SGCD: variants seen among roughly 807,000 people sequenced by gnomAD.
The protein encoded by SGCD is sarcoglycan delta, also known as delta-sarcoglycan.
Under a neutral mutation model 36.6 loss-of-function variants are expected in SGCD, and 18 were observed. The ratio of observed to expected loss-of-function variants is 0.49; its 90% confidence interval spans 0.34 to 0.73. The LOEUF (loss-of-function observed/expected upper bound fraction) is 0.73. Ranked by LOEUF, SGCD falls within the 30% of genes least tolerant of loss-of-function variation. The pLI is 0.01. For synonymous variants in SGCD, 133 were observed against 130.6 expected (o/e 1.02, Z -0.12); for missense variants, 387 against 346.7 (o/e 1.12, Z -0.92).
Position 156,766,347 on chromosome 5 carries a change from A to G in SGCD, c.*6957A>G, listed in dbSNP as rs1757587477. 6.6e-6 allele frequency: 1 copy of G among 151,834 alleles called. No individual in the cohort carries two copies. Among genetic ancestry groups the G allele is most frequent in the African/African-American group, 2.4e-5 (1 of 41,282 alleles). The allele number at this position is 151,834 out of a possible 1,614,324, so 9.4% of individuals were successfully genotyped here. ...CTACCAGGGACTCACTGACTGCATT[A>G]GGCATACAATGTCAGAGCTGAGCTG... is the stretch of plus-strand genomic sequence containing the variant. On this transcript the variant is annotated 3_prime_UTR_variant, in exon 9 of 9. Coordinates refer to ENST00000337851, the MANE Select transcript of SGCD (RefSeq NM_000337.6).
chr5:156,691,863 G>A (rs138240745), intron 7 of SGCD, among the ~76,000 whole-genome samples: 2 of 152,262 alleles, frequency 1.3e-5, no homozygotes, highest in Non-Finnish European at 2.9e-5. Context: ...ATGTATATTA[G>A]CACCAAGTTT....
At chr5:156,518,160 G>GA (rs1429189674) in intron 4 of SGCD, among the ~76,000 whole-genome samples, 1 of 151,946 alleles carries the variant, frequency 6.6e-6, no homozygotes, top group Non-Finnish European at 1.5e-5. Context: ...CCAAGCAAAT[G>GA]GAAAAACAGA....
intron 3 of SGCD, among the ~76,000 whole-genome samples, chr5:156,378,479 G>C (rs1770795322): frequency 6.6e-6 from 1 of 152,082 alleles, no homozygotes; most frequent in South Asian, 2.1e-4. Context: ...GGTTAAGATG[G>C]TTAGTTTTAT....
At chr5:155,868,164 G>T (rs181980551), upstream of SGCD, among the ~76,000 whole-genome samples, 586 of 151,942 alleles carry the variant, frequency 3.9e-3, 5 homozygotes, top group African/African-American at 0.013. Context: ...CAATTCTTAG[G>T]CCTCAGCCTC....
chr5:156,752,581 C>T (rs59428757), intron 7 of SGCD, among the ~76,000 whole-genome samples: 19,530 of 151,962 alleles, frequency 0.13, 2,393 homozygotes, highest in African/African-American at 0.32. Flanking sequence ...TTAGTAGAGA[C>T]GGGGTTATCA....
intron 1 of SGCD, among the ~76,000 whole-genome samples, chr5:155,883,806 A>AG (rs1755941331): frequency 2.6e-5 from 4 of 151,500 alleles, no homozygotes; most frequent in South Asian, 2.1e-4. Context: ...AAAAAAAAAA[A>AG]AAAAAAAAGA....
At chr5:156,719,303 G>A (rs903727109) in intron 7 of SGCD, among the ~76,000 whole-genome samples, 6 of 151,812 alleles carry the variant, frequency 4.0e-5, no homozygotes, top group Admixed American at 6.6e-5. Flanking sequence ...ATTGGATGAG[G>A]CCCACCCACA....
intron 3 of SGCD, among the ~76,000 whole-genome samples, chr5:156,297,919 C>T (rs1766942531): frequency 6.6e-6 from 1 of 151,768 alleles, no homozygotes; most frequent in Admixed American, 6.6e-5. Context: ...TATCCCCCGC[C>T]CACCCCCAAT....
intron 7 of SGCD, among the ~76,000 whole-genome samples, chr5:156,741,995 C>T (rs538299766): frequency 3.2e-4 from 48 of 152,220 alleles, no homozygotes; most frequent in African/African-American, 9.6e-4. Flanking sequence ...CCTGCCTCAG[C>T]CTCCTGAGTA....
intron 1 of SGCD, among the ~76,000 whole-genome samples, chr5:155,888,446 G>A (rs994335450): frequency 8.5e-5 from 13 of 152,150 alleles, no homozygotes; most frequent in Admixed American, 1.3e-4. Context: ...CAAAAGAAAA[G>A]CACACACATT....
At chr5:156,269,498 A>AC (rs1766107089) in intron 3 of SGCD, among the ~76,000 whole-genome samples, 4 of 146,396 alleles carry the variant, frequency 2.7e-5, no homozygotes, top group African/African-American at 1.0e-4. Flanking sequence ...AAAAAAAAAA[A>AC]AAAAAAAAAA....
chr5:155,818,978 C>G, the SGCD span, among the ~76,000 whole-genome samples: 1 of 151,938 alleles, frequency 6.6e-6, no homozygotes, highest in Non-Finnish European at 1.5e-5. Context: ...TTGTTTGTGT[C>G]CATGAGAAAG....
chr5:156,624,725 T>A (rs1762380529), intron 6 of SGCD, among the ~76,000 whole-genome samples: 1 of 152,232 alleles, frequency 6.6e-6, no homozygotes, highest in African/African-American at 2.4e-5. Flanking sequence ...AACTTTTTTT[T>A]TAAAAAATGA....
chr5:156,006,651 C>A (rs1464480067), intron 1 of SGCD, among the ~76,000 whole-genome samples: 1 of 152,126 alleles, frequency 6.6e-6, no homozygotes, highest in Non-Finnish European at 1.5e-5. Context: ...AAACGCATTC[C>A]CAGATTTATA....
intron 3 of SGCD, among the ~76,000 whole-genome samples, chr5:156,453,958 A>G (rs145099115): frequency 3.2e-4 from 48 of 152,312 alleles, no homozygotes; most frequent in African/African-American, 1.1e-3. Flanking sequence ...GCCAATGGTG[A>G]TGGGAGAGAA....
chr5:155,967,004 T>C lies in SGCD; in HGVS notation c.-282+96580T>C, dbSNP rs75377492. The stretch of plus-strand genomic sequence containing the variant: ...GTGTATATGTGTGCGTATGTGTGTA[T>C]TTGTGTGTGTATGTGTGTGTGTGTC... On this transcript the variant is annotated intron_variant, in intron 1 of 9. Transcript: ENST00000517913. 2.1e-3 allele frequency among the ~76,000 whole-genome samples: 325 copies of C among 151,882 alleles called. 1 individual carries two copies. Among genetic ancestry groups the C allele is most frequent in the Middle Eastern group, 3.4e-3 (1 of 294 alleles).
chr5:156,424,445 T>C (rs959266828), intron 3 of SGCD, among the ~76,000 whole-genome samples: 6 of 152,090 alleles, frequency 3.9e-5, no homozygotes, highest in Non-Finnish European at 7.4e-5. Context: ...TGTGTGAGGA[T>C]GTATTTGGGA....
intron 3 of SGCD, among the ~76,000 whole-genome samples, chr5:156,444,076 C>A (rs1011928510): frequency 1.6e-4 from 15 of 96,152 alleles, no homozygotes; most frequent in Admixed American, 1.4e-3. Context: ...CTCTCTCTCT[C>A]TCTCTCTCTC....
chr5:156,332,909 G>A (rs1409335006), intron 2 of SGCD, among the ~76,000 whole-genome samples: 1 of 152,110 alleles, frequency 6.6e-6, no homozygotes, highest in Non-Finnish European at 1.5e-5. Flanking sequence ...AACTCATTGG[G>A]CTATGTAGCT....
Sources: gnomAD v4.1 joint callset for allele counts (sites outside exome capture counted in the v4.1 genomes callset) on GRCh38, gnomAD v4.1.1 for gene constraint, MANE v1.5 for transcripts, NCBI Gene and HGNC (gene_info 2026-07-23, HGNC 2026-07-21) for gene names.